Variants in BRCA1 observed in about 807,000 individuals in gnomAD.
BRCA1 encodes the protein BRCA1 DNA repair associated.
A neutral mutation model predicts 173.7 loss-of-function variants in BRCA1; 140 were observed. The observed-to-expected ratio is 0.81, with a 90% CI of 0.70 to 0.93. The LOEUF (loss-of-function observed/expected upper bound fraction) is 0.93, where lower values mean the gene tolerates loss of function less well. Among genes scored for constraint, BRCA1 ranks in the 40% least tolerant of loss-of-function variants. The probability of loss-of-function intolerance (pLI) is 0.00; values close to 1 mark genes in which losing one functional copy is unlikely to be tolerated. For synonymous variants in BRCA1, 662 were observed against 756.0 expected (o/e 0.88, Z 2.04); for missense variants, 1,983 against 2,172.5 (o/e 0.91, Z 1.73).
intron 9 of BRCA1, among the ~76,000 whole-genome samples, chr17:43,095,441 G>C (rs190128845): frequency 1.3e-5 from 2 of 152,016 alleles, no homozygotes; most frequent in Non-Finnish European, 2.9e-5. Context: ...AATTAACCGG[G>C]TGTGGTGGCA....
chr17:43,076,697 A>C, intron 12 of BRCA1, 83 bp from the exon 13 acceptor site: 1 of 1,531,072 alleles, frequency 6.5e-7, no homozygotes, highest in East Asian at 2.3e-5. Flanking sequence ...GATTTTTTTC[A>C]AAAGCATCAA....
At chr17:43,100,681 AT>A (rs1362480877) in intron 6 of BRCA1, among the ~76,000 whole-genome samples, 143 of 11,428 alleles carry the variant, frequency 0.013, 16 homozygotes, top group African/African-American at 0.022. Flanking sequence ...TATATATAAT[AT>A]ATATATATAT....
At chr17:43,165,801 C>T (rs1293118542) in intron 1 of BRCA1, 3 of 124,144 alleles carry the variant, frequency 2.4e-5, no homozygotes, top group East Asian at 4.9e-4. Context: ...GACTAGGCCA[C>T]AAGAATATAA....
At chr17:43,115,861 G>C (rs1195911153) in intron 2 of BRCA1, 82 bp from the exon 3 acceptor site, 4 of 1,415,132 alleles carry the variant, frequency 2.8e-6, no homozygotes, top group Non-Finnish European at 1.9e-6. Context: ...TAGTGAATAA[G>C]TTCAACTTTG....
chr17:43,082,648 T>C (rs1456051681), intron 11 of BRCA1, 73 bp from the exon 12 acceptor site: 1 of 1,515,184 alleles, frequency 6.6e-7, no homozygotes, highest in Non-Finnish European at 9.1e-7. Context: ...AAATATATCA[T>C]ACAAATTAAT....
At chr17:43,087,676 A>G (rs2053281234) in intron 11 of BRCA1, among the ~76,000 whole-genome samples, 2 of 151,852 alleles carry the variant, frequency 1.3e-5, no homozygotes, top group Non-Finnish European at 2.9e-5. Flanking sequence ...AAAAAAAAAA[A>G]AAAAAGAAAA....
At chr17:43,047,083 T>C (rs2050946310) in intron 22 of BRCA1, among the ~76,000 whole-genome samples, 1 of 152,130 alleles carries the variant, frequency 6.6e-6, no homozygotes, top group Non-Finnish European at 1.5e-5. Flanking sequence ...TATTTTATTG[T>C]TTTTGTGTAA....
chr17:43,065,688 A>AAAAAC (rs1408077455), intron 16 of BRCA1, among the ~76,000 whole-genome samples: 1 of 152,180 alleles, frequency 6.6e-6, no homozygotes, highest in African/African-American at 2.4e-5. Flanking sequence ...AAACAAAAAC[A>AAAAAC]AAAGAATCAT....
intron 15 of BRCA1, among the ~76,000 whole-genome samples, chr17:43,069,582 T>C (rs549174540): frequency 2.0e-4 from 30 of 152,284 alleles, no homozygotes; most frequent in Non-Finnish European, 2.9e-4. Context: ...TCAAGAGCCA[T>C]TGAAACAGAC....
intron 21 of BRCA1, among the ~76,000 whole-genome samples, chr17:43,048,352 G>A (rs1270960941): frequency 1.3e-5 from 2 of 151,662 alleles, no homozygotes; most frequent in Admixed American, 6.6e-5. Flanking sequence ...ACAGGCGTGC[G>A]CCCCTACGCC....
At chr17:43,152,936 G>A (rs1460685028) in intron 1 of BRCA1, among the ~76,000 whole-genome samples, 1 of 152,114 alleles carries the variant, frequency 6.6e-6, no homozygotes, top group Non-Finnish European at 1.5e-5. Flanking sequence ...TCGAGAGGCT[G>A]AGGCAGGAGA....
chr17:43,115,992 A>G (rs988188915), intron 2 of BRCA1, among the ~76,000 whole-genome samples: 2 of 152,208 alleles, frequency 1.3e-5, no homozygotes, highest in Non-Finnish European at 2.9e-5. Context: ...GAGCTTTCAG[A>G]TATCAAAACA....
Position 43,093,252 on chromosome 17 carries a change from G to A in BRCA1, c.2279C>T (p.Thr760Ile), listed in dbSNP as rs1161074446. The A allele has an allele frequency of 1.2e-6, 2 of 1,614,038 alleles. No individual in the cohort carries two copies. The highest frequency in any genetic ancestry group is 2.2e-5 in the East Asian group (1 of 44,874). Residue 760 changes from threonine (T) to isoleucine (I), a missense_variant, in exon 10 of 23, where the codon ACT (threonine) becomes ATT (isoleucine). Thr to Ile is a moderately conservative substitution (Grantham distance 89). Transcript: ENST00000357654. ...ACTGCTACTCTCTACAGATCTTTCA[G>A]TTTGCAAAACCCTTTCTCCACTTAA... is the stretch of plus-strand genomic sequence containing the variant. ...LMLSGERVLQ[T>I]ERSVESSSIS...
At chr17:43,126,268 A>T (rs2055870840), upstream of BRCA1, among the ~76,000 whole-genome samples, 1 of 152,190 alleles carries the variant, frequency 6.6e-6, no homozygotes, top group African/African-American at 2.4e-5. Context: ...CGCAATCGCC[A>T]CCAGTCAATG....
intron 11 of BRCA1, among the ~76,000 whole-genome samples, chr17:43,088,233 C>T (rs2053305938): frequency 1.3e-5 from 2 of 152,154 alleles, no homozygotes; most frequent in Admixed American, 6.5e-5. Context: ...TGTTGTGTTA[C>T]CATTGCCACT....
At chr17:43,126,251 CCGT>C (rs1567825233), upstream of BRCA1, among the ~76,000 whole-genome samples, 2 of 152,184 alleles carry the variant, frequency 1.3e-5, no homozygotes, top group Non-Finnish European at 2.9e-5. Context: ...TGCCCCGTCT[CCGT>C]CGACGCAATC....
At chr17:43,154,211 C>G (rs189927948) in intron 1 of BRCA1, among the ~76,000 whole-genome samples, 1 of 151,444 alleles carries the variant, frequency 6.6e-6, no homozygotes, top group African/African-American at 2.4e-5. Flanking sequence ...TAAGGCCAGG[C>G]ACGGGGGCTC....
chr17:43,139,332 C>G (rs2056056419), intron 1 of BRCA1, among the ~76,000 whole-genome samples: 1 of 151,074 alleles, frequency 6.6e-6, no homozygotes, highest in Non-Finnish European at 1.5e-5. Flanking sequence ...ATTATTTCGT[C>G]ACCCAGGCAC....
At chr17:43,113,696 G>A (rs941884254) in intron 3 of BRCA1, among the ~76,000 whole-genome samples, 4 of 151,846 alleles carry the variant, frequency 2.6e-5, no homozygotes, top group East Asian at 1.9e-4. Context: ...ACATTTGCTC[G>A]TATTATTATC....
Sources: gnomAD v4.1 joint callset for allele counts (sites outside exome capture counted in the v4.1 genomes callset) on GRCh38, gnomAD v4.1.1 for gene constraint, MANE v1.5 for transcripts, NCBI Gene and HGNC (gene_info 2026-07-23, HGNC 2026-07-21) for gene names.